SLC6A9: variants seen among roughly 807,000 people sequenced by gnomAD.
The protein encoded by SLC6A9 is sodium- and chloride-dependent glycine transporter 1.
In SLC6A9, 31 loss-of-function variants were observed where a neutral mutation model predicts 70.9. That is an observed-to-expected ratio of 0.44 (90% CI 0.33 to 0.59). The LOEUF (loss-of-function observed/expected upper bound fraction) is 0.59. Among genes scored for constraint, SLC6A9 ranks in the 20% least tolerant of loss-of-function variants. The pLI is 0.04. For missense variants in SLC6A9, 631 were observed against 845.2 expected (o/e 0.75, Z 3.14); for synonymous variants, 310 against 341.3 (o/e 0.91, Z 1.01).
At chr1:44,021,166 G>A (rs1052189710) in intron 2 of SLC6A9, among the ~76,000 whole-genome samples, 1 of 152,174 alleles carries the variant, frequency 6.6e-6, no homozygotes, top group Non-Finnish European at 1.5e-5. Context: ...GACCTAGGTG[G>A]CCCTGCTCCG....
intron 1 of SLC6A9, among the ~76,000 whole-genome samples, chr1:44,028,486 T>G (rs916569887): frequency 6.6e-6 from 1 of 152,212 alleles, no homozygotes; most frequent in African/African-American, 2.4e-5. Context: ...CTGGGCGCGG[T>G]GGCTCACACC....
intron 12 of SLC6A9, among the ~76,000 whole-genome samples, chr1:43,998,745 G>A (rs1214498262): frequency 6.6e-6 from 1 of 152,234 alleles, no homozygotes; most frequent in African/African-American, 2.4e-5. Context: ...GAGGAGGATG[G>A]AAAGAGGGTA....
In SLC6A9 at chr1:44,002,327, G is replaced by A. The variant is rs761157348; in HGVS notation, c.948C>T (p.His316=). Reference sequence around the variant, plus strand: ...GGAGCACTCACCGGTAACAGTTATTGTGGAACTTGTTGTAGGAAGCCATGG... The same window carrying A: ...GGAGCACTCACCGGTAACAGTTATTATGGAACTTGTTGTAGGAAGCCATGG... ...LITMASYNKF[H]NNCYRDSVII... is the part of the protein sequence containing the mutation. Residue 316 remains histidine (H), a synonymous_variant, in exon 8 of 14, where the codon CAC becomes CAT. Coordinates refer to ENST00000372310, the MANE Select transcript of SLC6A9 (RefSeq NM_001024845.3). This position sits in a 1 kb window ranked among gnomAD's most constrained non-coding sequence, Gnocchi z 5.5. 6.2e-7 allele frequency: 1 copy of A among 1,612,788 alleles called. No homozygotes were observed. Among genetic ancestry groups the A allele is most frequent in the East Asian group, 2.2e-5 (1 of 44,874 alleles).
In SLC6A9 at chr1:43,997,649, A is replaced by G; in HGVS notation, c.1798T>C (p.Ser600Pro). 6.2e-7 allele frequency: 1 copy of G among 1,613,696 alleles called. No homozygotes were observed. Among genetic ancestry groups the G allele is most frequent in the Non-Finnish European group, 8.5e-7 (1 of 1,179,914 alleles). Reference sequence around the variant, plus strand: ...TGGACCTCGAAGCCGTCCTCAGGAGAGGGGGCTATGGTGGGGGCGTAGCGC... The same window carrying G: ...TGGACCTCGAAGCCGTCCTCAGGAGGGGGGGCTATGGTGGGGGCGTAGCGC... The part of the protein sequence containing the change: ...TGRYAPTIAP[S>P]PEDGFEVQPL... Residue 600 changes from serine to proline, a missense_variant, in exon 14 of 14, where the codon TCT becomes CCT. By Grantham distance (74) the Ser-to-Pro change is moderately conservative (BLOSUM62 -1). Coordinates refer to ENST00000372310, the MANE Select transcript of SLC6A9 (RefSeq NM_001024845.3). This position sits in a 1 kb window ranked among gnomAD's most constrained non-coding sequence, Gnocchi z 4.4.
At chr1:44,003,640 C>T (rs947880613) in intron 5 of SLC6A9, among the ~76,000 whole-genome samples, 6 of 149,288 alleles carry the variant, frequency 4.0e-5, no homozygotes, top group Admixed American at 6.8e-5. Context: ...CCCAGCTACT[C>T]GGGAGGCTGA....
chr1:44,026,637 C>T (rs578226494), intron 1 of SLC6A9, among the ~76,000 whole-genome samples: 24 of 149,922 alleles, frequency 1.6e-4, no homozygotes, highest in Admixed American at 5.3e-4. Flanking sequence ...CCAGCCTGGG[C>T]GACAGAGCAA....
chr1:44,020,360 G>C (rs1478504156), intron 2 of SLC6A9, among the ~76,000 whole-genome samples: 1 of 152,156 alleles, frequency 6.6e-6, no homozygotes, highest in African/African-American at 2.4e-5. Flanking sequence ...GAGCCCCTGT[G>C]GTGTGCTAGG....
intron 1 of SLC6A9, among the ~76,000 whole-genome samples, chr1:44,028,390 C>T (rs777487634): frequency 3.3e-5 from 5 of 152,174 alleles, no homozygotes; most frequent in Non-Finnish European, 7.3e-5. Context: ...ATCTTGAAAC[C>T]ATCCCCCTAG....
At position 44,002,291 on chromosome 1, in the gene SLC6A9, C is replaced by T. The variant is rs1384425822; in HGVS notation, c.962+22G>A. 1.3e-6 allele frequency: 2 copies of T among 1,571,516 alleles called. No individual in the cohort carries two copies. The highest frequency in any genetic ancestry group is 1.8e-6 in the Non-Finnish European group (2 of 1,141,254). On this transcript the variant is annotated intron_variant, in intron 8 of 13. Coordinates refer to ENST00000372310, the MANE Select transcript of SLC6A9 (RefSeq NM_001024845.3). This position sits in a 1 kb window ranked among gnomAD's most constrained non-coding sequence, Gnocchi z 5.5. ...AGAGAGTGCAGGAAGGGGGCAGCCT[C>T]AGCCCAGCAGGGAGCACTCACCGGT...
At chr1:44,000,640 G>A in intron 12 of SLC6A9, 127 bp downstream of exon 12, 1 of 659,674 alleles carries the variant, frequency 1.5e-6, no homozygotes, top group East Asian at 2.7e-5. Context: ...CCTCCCAAAG[G>A]CCAGAGTCAT....
chr1:43,996,700 TG>T lies in SLC6A9; in HGVS notation c.*844del. ...CCAGAGAGGGGAGGGGCATGTGGGC[TG>T]GGGCCATTTGGCACATGAACGAGGG... On this transcript the variant is annotated 3_prime_UTR_variant, in exon 14 of 14. Coordinates refer to ENST00000372310, the MANE Select transcript of SLC6A9 (RefSeq NM_001024845.3). 6.5e-6 allele frequency: 1 copy of T among 154,160 alleles called. No homozygotes were observed. The highest frequency in any genetic ancestry group is 1.4e-5 in the Non-Finnish European group (1 of 69,200). The allele number at this position is 154,160 out of a possible 1,614,324, so 9.5% of individuals were successfully genotyped here.
At chr1:44,007,837 C>T (rs573068836) in intron 5 of SLC6A9, among the ~76,000 whole-genome samples, 3 of 152,104 alleles carry the variant, frequency 2.0e-5, no homozygotes, top group South Asian at 2.1e-4. Context: ...GCCTTCCTCA[C>T]GGCTACTCTG....
At chr1:44,003,605 G>A (rs960881770) in intron 5 of SLC6A9, among the ~76,000 whole-genome samples, 7 of 151,974 alleles carry the variant, frequency 4.6e-5, no homozygotes, top group Admixed American at 1.3e-4. Context: ...AAAATTAGCC[G>A]GCCATGATGG....
intron 2 of SLC6A9, chr1:44,017,344 T>G (rs2086786003): frequency 1.5e-6 from 2 of 1,376,820 alleles, no homozygotes; most frequent in East Asian, 6.1e-5. Context: ...TGTTTTTCCC[T>G]TGTTCCCAGC....
intron 2 of SLC6A9, among the ~76,000 whole-genome samples, chr1:44,020,397 A>T (rs1181674277): frequency 6.6e-6 from 1 of 152,080 alleles, no homozygotes; most frequent in Non-Finnish European, 1.5e-5. Flanking sequence ...TACCCCGGGT[A>T]TGTCGAATTC....
intron 2 of SLC6A9, among the ~76,000 whole-genome samples, chr1:44,015,070 T>G (rs1176349904): frequency 6.6e-6 from 1 of 152,226 alleles, no homozygotes; most frequent in Non-Finnish European, 1.5e-5. Context: ...GCTTTCTAGA[T>G]TACTAAAAAC....
At chr1:44,025,411 C>T (rs1392340806) in intron 1 of SLC6A9, among the ~76,000 whole-genome samples, 2 of 149,976 alleles carry the variant, frequency 1.3e-5, no homozygotes, top group Admixed American at 1.3e-4. Context: ...TGACAGGCCT[C>T]GGGAGAAATC....
intron 1 of SLC6A9, 94 bp from the exon 2 acceptor site, chr1:44,024,456 C>G: frequency 1.4e-6 from 1 of 701,790 alleles, no homozygotes. Context: ...CACCAGCCTG[C>G]CCAGGCCCTC....
intron 2 of SLC6A9, chr1:44,016,606 T>A: frequency 6.4e-6 from 1 of 157,480 alleles, no homozygotes; most frequent in Non-Finnish European, 1.4e-5. Context: ...CCCCATCCCC[T>A]TCCCCCACCC....
Sources: allele counts gnomAD v4.1 joint callset (sites outside exome capture counted in the v4.1 genomes callset), GRCh38; gene constraint gnomAD v4.1.1; non-coding constraint Gnocchi (gnomAD v3.1); transcripts MANE v1.5; gene names NCBI Gene and HGNC (gene_info 2026-07-23, HGNC 2026-07-21).